Variants in TENM4 observed in about 807,000 individuals in gnomAD.
TENM4 encodes teneurin-4.
In TENM4, 82 loss-of-function variants were observed where a neutral mutation model predicts 243.3. That is an observed-to-expected ratio of 0.34 (90% confidence interval 0.28 to 0.40). The LOEUF (loss-of-function observed/expected upper bound fraction) is 0.40, where lower values mean the gene tolerates loss of function less well. TENM4 is among the 10% of genes least tolerant of loss of function. The pLI, the probability that TENM4 is intolerant of heterozygous loss-of-function variation, is 1.00. For synonymous variants in TENM4, 1,412 were observed against 1,456.3 expected, an observed-to-expected ratio of 0.97 and a Z score of 0.69; for missense variants, 3,138 against 3,673.3, an observed-to-expected ratio of 0.85 and a Z score of 3.77.
intron 6 of TENM4, among the ~76,000 whole-genome samples, chr11:79,034,509 A>T (rs1426122983): frequency 1.3e-5 from 2 of 152,134 alleles, no homozygotes; most frequent in East Asian, 1.9e-4. Context: ...CTTTCTAGGA[A>T]TTTTTTTTAA....
At chr11:79,181,750 A>T (rs1009487978) in intron 3 of TENM4, among the ~76,000 whole-genome samples, 1 of 152,102 alleles carries the variant, frequency 6.6e-6, no homozygotes, top group African/African-American at 2.4e-5. Context: ...AATTATAGCA[A>T]GGTTGCAGGA....
Position 79,099,659 on chromosome 11 carries a change from T to C in TENM4, c.-65-29650A>G, listed in dbSNP as rs536342379. Among the ~76,000 whole-genome samples, 59 of 152,314 alleles carry C rather than the reference T, an allele frequency of 3.9e-4. 1 individual carries two copies. In the South Asian group the frequency reaches 0.011, roughly 29 times the overall value. ...TAGGAAGGACTGGGACTACAGCTCT[T>C]CAATGCTGACACCCTATACATCTGT... is the stretch of plus-strand genomic sequence containing the variant. On this transcript the variant is annotated intron_variant, in intron 4 of 33. Transcript: ENST00000278550.
At chr11:79,034,211 T>A in intron 6 of TENM4, among the ~76,000 whole-genome samples, 1 of 152,236 alleles carries the variant, frequency 6.6e-6, no homozygotes, top group East Asian at 1.9e-4. Flanking sequence ...AAGGCTCAAT[T>A]TCAAAGAAGC....
chr11:78,980,517 G>C (rs1048259977), intron 6 of TENM4, among the ~76,000 whole-genome samples: 7 of 152,198 alleles, frequency 4.6e-5, no homozygotes, highest in Admixed American at 4.6e-4. Context: ...TTGAGGCCTG[G>C]AAGGTGACAG....
At chr11:79,352,419 G>C (rs1857429250) in intron 1 of TENM4, among the ~76,000 whole-genome samples, 1 of 152,172 alleles carries the variant, frequency 6.6e-6, no homozygotes, top group African/African-American at 2.4e-5. Flanking sequence ...CCTCCCCTCT[G>C]CTGCCCCAAT....
intron 6 of TENM4, among the ~76,000 whole-genome samples, chr11:78,995,416 A>C (rs552326181): frequency 6.6e-6 from 1 of 152,282 alleles, no homozygotes; most frequent in African/African-American, 2.4e-5. Context: ...TGGCAGGGAA[A>C]GTACTGAGTA....
intron 12 of TENM4, among the ~76,000 whole-genome samples, chr11:78,842,946 G>C (rs553521840): frequency 1.3e-5 from 2 of 151,864 alleles, no homozygotes; most frequent in Non-Finnish European, 2.9e-5. Flanking sequence ...GGCTGAGGTG[G>C]GAGGGTCACT....
intron 28 of TENM4, among the ~76,000 whole-genome samples, chr11:78,695,239 G>A (rs1002783370): frequency 3.9e-5 from 6 of 151,978 alleles, no homozygotes; most frequent in Admixed American, 6.6e-5. Context: ...TGGTAGAGAT[G>A]GGTATTTCTA....
intron 6 of TENM4, among the ~76,000 whole-genome samples, chr11:79,040,582 G>C (rs1859497026): frequency 2.6e-5 from 4 of 152,268 alleles, no homozygotes; most frequent in African/African-American, 9.6e-5. Context: ...GGAGTGGAGA[G>C]AAAACATCAA....
chr11:79,002,387 T>C (rs75862964), intron 6 of TENM4, among the ~76,000 whole-genome samples: 6,458 of 152,276 alleles, frequency 0.042, 293 homozygotes, highest in African/African-American at 0.11. Context: ...GATGAGGTGC[T>C]CTGGCTGGCA....
rs372547423 is a variant in TENM4, at chr11:78,708,325, G to A, written c.4209+36C>T. The A allele has an allele frequency of 6.8e-6, 11 of 1,610,712 alleles. No homozygotes were observed. In the African/African-American group the frequency reaches 9.3e-5, roughly 14 times the overall value. ...GGGTGGCAGATGAGAGGATGAGTGG[G>A]CAGTCCCAGGGCTTTGGTAGATGAA... On this transcript the variant is annotated intron_variant, in intron 27 of 33. Transcript: ENST00000278550.
At chr11:79,031,065 G>A (rs1315792028) in intron 6 of TENM4, among the ~76,000 whole-genome samples, 1 of 152,208 alleles carries the variant, frequency 6.6e-6, no homozygotes, top group East Asian at 1.9e-4. Context: ...CCACTGCATT[G>A]TAGGGACCAC....
chr11:79,420,099 C>T (rs1371265909), intron 1 of TENM4, among the ~76,000 whole-genome samples: 3 of 152,166 alleles, frequency 2.0e-5, no homozygotes, highest in Non-Finnish European at 4.4e-5. Context: ...ATTTTAAAAG[C>T]TTATCTTTGT....
chr11:78,787,921 A>C (rs1856973878), intron 15 of TENM4, among the ~76,000 whole-genome samples: 1 of 152,168 alleles, frequency 6.6e-6, no homozygotes, highest in Non-Finnish European at 1.5e-5. Flanking sequence ...TACTGCAGGG[A>C]GCGGTGGTAA....
chr11:79,310,773 C>A (rs771793400), intron 1 of TENM4, among the ~76,000 whole-genome samples: 2 of 152,156 alleles, frequency 1.3e-5, no homozygotes, highest in Admixed American at 6.5e-5. Flanking sequence ...AGCCCTGCCA[C>A]TGACACAGGT....
chr11:79,359,026 G>C (rs1257453376), intron 1 of TENM4, among the ~76,000 whole-genome samples: 1 of 151,444 alleles, frequency 6.6e-6, no homozygotes, highest in Non-Finnish European at 1.5e-5. Flanking sequence ...CAGCACTTTG[G>C]GAGGCTGAGT....
chr11:78,948,607 G>A (rs764630699), intron 6 of TENM4, among the ~76,000 whole-genome samples: 2 of 152,144 alleles, frequency 1.3e-5, no homozygotes, highest in Non-Finnish European at 2.9e-5. Context: ...TCCTGACCTC[G>A]TGATCTGCCT....
In TENM4 at chr11:78,972,665, C is replaced by A. The variant is rs189442569; in HGVS notation, c.494-69142G>T. ...ACTTTCACTGAGTTTTTAAAAATAT[C>A]AGCTTTATTGATGCATAATTCACAC... On this transcript the variant is annotated intron_variant, in intron 6 of 33. Coordinates refer to ENST00000278550, the MANE Select transcript of TENM4 (RefSeq NM_001098816.3). Among the ~76,000 whole-genome samples, 314 of 152,192 alleles carry A rather than the reference C, an allele frequency of 2.1e-3. 1 individual carries two copies. The highest frequency in any genetic ancestry group is 6.8e-3 in the African/African-American group (283 of 41,524).
chr11:79,333,229 T>C (rs1857090070), intron 1 of TENM4, among the ~76,000 whole-genome samples: 1 of 141,528 alleles, frequency 7.1e-6, no homozygotes. Context: ...GGCCTGCCCA[T>C]TCATCCATCC....
Sources: allele counts gnomAD v4.1 joint callset (sites outside exome capture counted in the v4.1 genomes callset), GRCh38; gene constraint gnomAD v4.1.1; transcripts MANE v1.5; gene names NCBI Gene and HGNC (gene_info 2026-07-23, HGNC 2026-07-21).